The following RNF168 variants were observed in gnomAD, a reference collection of about 807,000 sequenced individuals.
The protein encoded by RNF168 is ring finger protein 168.
Under a neutral mutation model 34.9 loss-of-function variants are expected in RNF168, and 34 were observed. The ratio of observed to expected loss-of-function variants is 0.97; its 90% CI spans 0.74 to 1.30. The LOEUF (loss-of-function observed/expected upper bound fraction) is 1.30, where lower values mean the gene tolerates loss of function less well. RNF168 is among the 50% of genes most tolerant of loss of function. The pLI, the probability that RNF168 is intolerant of heterozygous loss-of-function variation, is 0.00. For synonymous variants in RNF168, 264 were observed against 254.7 expected (o/e 1.04, Z -0.35); for missense variants, 725 against 682.5 (o/e 1.06, Z -0.69).
chr3:196,484,506 G>T (rs1732377902), intron 3 of RNF168, among the ~76,000 whole-genome samples: 1 of 121,860 alleles, frequency 8.2e-6, no homozygotes, highest in African/African-American at 3.2e-5. Context: ...TTTTAAGACA[G>T]GGTCTCACTC....
chr3:196,482,781 TTTAA>T (rs1330179130), intron 4 of RNF168, among the ~76,000 whole-genome samples: 2 of 152,184 alleles, frequency 1.3e-5, no homozygotes, highest in Non-Finnish European at 2.9e-5. Flanking sequence ...TTGTCCAGTT[TTTAA>T]TTATTTGTCT....
Position 196,468,911 on chromosome 3 carries a change from A to T in RNF168, c.*2908T>A, listed in dbSNP as rs1731935866. ...GAAAAAGGACCAGTACCTGCTAGTGACTGATACATTTATTAGTTTCTAACA... is the reference window on the plus strand; with the variant it reads ...GAAAAAGGACCAGTACCTGCTAGTGTCTGATACATTTATTAGTTTCTAACA... On this transcript the variant is annotated 3_prime_UTR_variant, in exon 6 of 6. Coordinates refer to ENST00000318037, the MANE Select transcript of RNF168 (RefSeq NM_152617.4). 6.6e-6 allele frequency: 1 copy of T among 152,178 alleles called. No individual in the cohort carries two copies. Among genetic ancestry groups the T allele is most frequent in the Non-Finnish European group, 1.5e-5 (1 of 68,044 alleles). The allele number at this position is 152,178 out of a possible 1,614,324, so 9.4% of individuals were successfully genotyped here.
At chr3:196,478,854 A>G (rs116811581) in intron 4 of RNF168, among the ~76,000 whole-genome samples, 2,707 of 148,674 alleles carry the variant, frequency 0.018, 46 homozygotes, top group Non-Finnish European at 0.026. Context: ...TTTGGTAGAG[A>G]CAGGCTGATC....
chr3:196,495,616 T>A (rs1397072190), intron 1 of RNF168, among the ~76,000 whole-genome samples: 1 of 152,242 alleles, frequency 6.6e-6, no homozygotes, highest in African/African-American at 2.4e-5. Flanking sequence ...ACCGCAATGT[T>A]TGTTTGTTCC....
chr3:196,487,580 T>A lies in RNF168; in HGVS notation c.379-2A>T. On this transcript the variant is annotated splice_acceptor_variant, in intron 2 of 5. Transcript: ENST00000318037. LOFTEE classifies it high-confidence loss of function. The stretch of plus-strand genomic sequence containing the variant: ...GCTGGCCCGTCGCTCTGCCGCCACC[T>A]TAAAAGTGATTAATAAAGAGCAATC... 6.2e-7 allele frequency: 1 copy of A among 1,613,856 alleles called. No homozygotes were observed. Among genetic ancestry groups the A allele is most frequent in the East Asian group, 2.2e-5 (1 of 44,890 alleles).
intron 4 of RNF168, 189 bp from the exon 5 acceptor site, chr3:196,475,501 A>G (rs1005230148): frequency 1.1e-5 from 6 of 557,788 alleles, no homozygotes; most frequent in African/African-American, 9.6e-5. Context: ...GAGTATTGAT[A>G]TTTTAGTGAA....
intron 3 of RNF168, among the ~76,000 whole-genome samples, chr3:196,486,597 G>A (rs938481237): frequency 4.6e-5 from 7 of 152,154 alleles, no homozygotes; most frequent in African/African-American, 1.4e-4. Flanking sequence ...GCTTCCCAAT[G>A]TACTGGGATT....
At position 196,481,057 on chromosome 3, in the gene RNF168, C is replaced by A. The variant is rs566329560; in HGVS notation, c.680+2713G>T. ...CTTTTTGTACAGATTTTATATCTGG[C>A]AACCTTGCTAAACTCTTCATTCTAA... On this transcript the variant is annotated intron_variant, in intron 4 of 5. Transcript: ENST00000318037. Among the ~76,000 whole-genome samples the A allele has an allele frequency of 2.0e-5, 3 of 152,334 alleles. No homozygotes were observed. The South Asian group carries it at 6.2e-4, about 32-fold the overall frequency.
At chr3:196,473,992 T>A (rs1402450536) in intron 5 of RNF168, among the ~76,000 whole-genome samples, 2 of 152,152 alleles carry the variant, frequency 1.3e-5, no homozygotes, top group Non-Finnish European at 2.9e-5. Flanking sequence ...GGGCATGTGG[T>A]CTCAAAGTAG....
Position 196,498,218 on chromosome 3 carries a change from C to T in RNF168, c.301+4655G>A, listed in dbSNP as rs866281305. On this transcript the variant is annotated intron_variant, in intron 1 of 5. Transcript: ENST00000318037. ...TGTCACCGAGGCTAGAGTGCAGTGG[C>T]GCGATCTAGGCTCACTGCAACCTCT... 1.4e-4 allele frequency among the ~76,000 whole-genome samples: 22 copies of T among 152,222 alleles called. 1 individual carries two copies. In the South Asian group the frequency reaches 4.2e-3, roughly 29 times the overall value.
intron 4 of RNF168, among the ~76,000 whole-genome samples, chr3:196,479,339 C>T (rs1054752886): frequency 2.0e-5 from 3 of 151,436 alleles, no homozygotes; most frequent in African/African-American, 7.3e-5. Flanking sequence ...CAGGGTCTTG[C>T]TGTCACCAAG....
intron 1 of RNF168, among the ~76,000 whole-genome samples, chr3:196,496,491 T>C (rs1732746532): frequency 6.6e-6 from 1 of 152,206 alleles, no homozygotes; most frequent in Non-Finnish European, 1.5e-5. Context: ...AGGAAACCAG[T>C]CATAATGGAT....
At position 196,472,477 on chromosome 3, in the gene RNF168, C is replaced by A; in HGVS notation, c.1058G>T (p.Ser353Ile). 1 of 1,614,232 alleles carries A rather than the reference C, an allele frequency of 6.2e-7. No individual in the cohort carries two copies. Among genetic ancestry groups the A allele is most frequent in the Non-Finnish European group, 8.5e-7 (1 of 1,180,032 alleles). Residue 353 changes from serine (S) to isoleucine (I), a missense_variant, in exon 6 of 6, where the codon AGT becomes ATT. Coordinates refer to ENST00000318037, the MANE Select transcript of RNF168 (RefSeq NM_152617.4). ...CACCCCTGATGTGGGGGCGCACCCACTTTCTGTTCTGCCACAAGGCATAAC... is the reference window on the plus strand; with the variant it reads ...CACCCCTGATGTGGGGGCGCACCCAATTTCTGTTCTGCCACAAGGCATAAC... ...TAVMPCGRTE[S>I]GCAPTSGVTQ...
chr3:196,503,402 G>C lies in RNF168; in HGVS notation c.-229C>G, dbSNP rs1486347095. 4 of 570,600 alleles carry C rather than the reference G, an allele frequency of 7.0e-6. No individual in the cohort carries two copies. The highest frequency in any genetic ancestry group is 1.3e-5 in the Non-Finnish European group (4 of 318,946). The allele number at this position is 570,600 out of a possible 1,614,324, so 35.3% of individuals were successfully genotyped here. A position where few individuals can be genotyped will look rare whatever the true frequency, so the allele number is the denominator to read the frequency against. ...GGGCGGCGTCTTTGTCCATTTTCAA[G>C]GCAAACGTCCCGCCAGCAAATAAAT... is the stretch of plus-strand genomic sequence containing the variant. On this transcript the variant is annotated 5_prime_UTR_variant, in exon 1 of 6. Transcript: ENST00000318037.
At chr3:196,479,757 T>A (rs1488938298) in intron 4 of RNF168, among the ~76,000 whole-genome samples, 1 of 151,430 alleles carries the variant, frequency 6.6e-6, no homozygotes, top group East Asian at 2.0e-4. Flanking sequence ...GCCTGGCTAA[T>A]TTTTTTGTAT....
At position 196,475,921 on chromosome 3, in the gene RNF168, G is replaced by A. The variant is rs150366933; in HGVS notation, c.681-609C>T. 8.3e-3 allele frequency among the ~76,000 whole-genome samples: 1,253 copies of A among 150,212 alleles called. 18 individuals are homozygous for A. The highest frequency in any genetic ancestry group is 0.029 in the African/African-American group (1,163 of 40,782). On this transcript the variant is annotated intron_variant, in intron 4 of 5. Coordinates refer to ENST00000318037, the MANE Select transcript of RNF168 (RefSeq NM_152617.4). ...GTCGCCCAGGCTGGAGTGCAGTGGC[G>A]CGATCTCAGCTCACTGCAACCTCCG...
At position 196,503,193 on chromosome 3, in the gene RNF168, C is replaced by CG; in HGVS notation, c.-21dup. 1.9e-6 allele frequency: 3 copies of CG among 1,611,118 alleles called. No individual in the cohort carries two copies. Among genetic ancestry groups the CG allele is most frequent in the Non-Finnish European group, 2.5e-6 (3 of 1,177,428 alleles). On this transcript the variant is annotated 5_prime_UTR_variant, in exon 1 of 6. Transcript: ENST00000318037. ...AGCCATTTCAATATGTTAGTAAAGCCGACTAAACAACGACACCTGCACGAA... is the reference window on the plus strand; with the variant it reads ...AGCCATTTCAATATGTTAGTAAAGCCGGACTAAACAACGACACCTGCACGAA...
intron 5 of RNF168, among the ~76,000 whole-genome samples, chr3:196,474,209 C>G (rs1349555263): frequency 6.7e-6 from 1 of 149,252 alleles, no homozygotes; most frequent in East Asian, 1.9e-4. Flanking sequence ...CTCACTGCAA[C>G]CTCCGCCTTC....
chr3:196,502,054 G>GAAAAAAAAAAAAAAAAAA (rs554041803), intron 1 of RNF168, among the ~76,000 whole-genome samples: 2 of 50,056 alleles, frequency 4.0e-5, no homozygotes, highest in South Asian at 9.3e-4. Context: ...AAAAAAATTA[G>GAAAAAAAAAAAAAAAAAA]AAAAAAAAAA....
Sources: allele counts gnomAD v4.1 joint callset (sites outside exome capture counted in the v4.1 genomes callset), GRCh38; gene constraint gnomAD v4.1.1; transcripts MANE v1.5; gene names NCBI Gene and HGNC (gene_info 2026-07-23, HGNC 2026-07-21).